Variants in RYR2 observed in about 807,000 individuals in gnomAD.
RYR2 encodes the protein cardiac muscle ryanodine receptor-calcium release channel.
A neutral mutation model predicts 601.1 loss-of-function variants in RYR2; 227 were observed. That is an observed-to-expected ratio of 0.38 (90% confidence interval 0.34 to 0.42). The LOEUF (loss-of-function observed/expected upper bound fraction) is 0.42, where lower values mean the gene tolerates loss of function less well. Ranked by LOEUF, RYR2 falls within the 10% of genes least tolerant of loss-of-function variation. The probability of loss-of-function intolerance (pLI) is 1.00; values close to 1 mark genes in which losing one functional copy is unlikely to be tolerated. For synonymous variants in RYR2, 2,223 were observed against 2,175.1 expected, an observed-to-expected ratio of 1.02 and a Z score of -0.61; for missense variants, 4,646 against 6,156.5, an observed-to-expected ratio of 0.75 and a Z score of 8.21.
At chr1:237,498,262 G>A (rs1476366451) in intron 20 of RYR2, among the ~76,000 whole-genome samples, 1 of 152,066 alleles carries the variant, frequency 6.6e-6, no homozygotes, top group African/African-American at 2.4e-5. Flanking sequence ...GAGGAATGTG[G>A]TTGGAGTCCT....
In RYR2 at chr1:237,798,185, G is replaced by A. The variant is rs375767595; in HGVS notation, c.14090+15G>A. 6.8e-6 allele frequency: 11 copies of A among 1,607,786 alleles called. No individual in the cohort carries two copies. Among genetic ancestry groups the A allele is most frequent in the South Asian group, 4.5e-5 (4 of 89,400 alleles). ...TTATCAGCTGTGTAAGTGTTACTTC[G>A]GCTCTATCCTACAGACTTAGATTGA... On this transcript the variant is annotated intron_variant, in intron 97 of 104. Transcript: ENST00000366574.
chr1:237,172,438 A>G (rs1402847375), intron 1 of RYR2, among the ~76,000 whole-genome samples: 1 of 152,154 alleles, frequency 6.6e-6, no homozygotes, highest in Admixed American at 6.5e-5. Flanking sequence ...GCCATTGTAC[A>G]GAAAAAACAA....
Position 237,832,657 on chromosome 1 carries a change from C to T in RYR2, c.*10C>T. The stretch of plus-strand genomic sequence containing the variant: ...AGACCAGCTAAATTAAACTCAGACC[C>T]AATCACCTCTAAAAACCAAAACCCT... On this transcript the variant is annotated 3_prime_UTR_variant, in exon 105 of 105. Coordinates refer to ENST00000366574, the MANE Select transcript of RYR2 (RefSeq NM_001035.3). 1 of 1,578,352 alleles carries T rather than the reference C, an allele frequency of 6.3e-7. No individual in the cohort carries two copies. Among genetic ancestry groups the T allele is most frequent in the Non-Finnish European group, 8.7e-7 (1 of 1,149,634 alleles).
intron 69 of RYR2, 66 bp downstream of exon 69, chr1:237,709,164 T>A: frequency 1.5e-6 from 2 of 1,370,924 alleles, no homozygotes; most frequent in Non-Finnish European, 2.0e-6. Context: ...TCACATGTCC[T>A]TGTTCAATCG....
intron 100 of RYR2, among the ~76,000 whole-genome samples, chr1:237,817,920 G>A (rs1662015743): frequency 6.6e-6 from 1 of 152,200 alleles, no homozygotes; most frequent in African/African-American, 2.4e-5. Context: ...GAAAATCTCA[G>A]AGGAAGGATT....
chr1:237,300,401 A>G (rs1448412646), intron 2 of RYR2, among the ~76,000 whole-genome samples: 1 of 152,188 alleles, frequency 6.6e-6, no homozygotes, highest in Admixed American at 6.5e-5. Context: ...TTCTATTAAC[A>G]TGGCTATCTT....
chr1:237,714,989 C>T (rs2010708), intron 71 of RYR2, among the ~76,000 whole-genome samples: 65,112 of 103,712 alleles, frequency 0.63, 19,983 homozygotes, highest in Non-Finnish European at 0.71. Flanking sequence ...GAGACTCCAT[C>T]TCAAAAAAAA....
chr1:237,462,877 T>C (rs1356574997), intron 16 of RYR2, among the ~76,000 whole-genome samples: 2 of 152,126 alleles, frequency 1.3e-5, no homozygotes, highest in East Asian at 3.9e-4. Context: ...AAACGTATCG[T>C]ATAAACAAGA....
chr1:237,511,833 TGAAAAAAA>T, intron 24 of RYR2, 42 bp downstream of exon 24: 3 of 274,706 alleles, frequency 1.1e-5, no homozygotes, highest in African/African-American at 4.0e-5. Context: ...CTGCCTTCCC[TGAAAAAAA>T]AAAAAAAAAA....
At chr1:237,403,729 G>C (rs1558760879) in intron 10 of RYR2, among the ~76,000 whole-genome samples, 1 of 152,154 alleles carries the variant, frequency 6.6e-6, no homozygotes, top group Non-Finnish European at 1.5e-5. Flanking sequence ...CCCAGACCTA[G>C]TAATACTTTT....
intron 5 of RYR2, among the ~76,000 whole-genome samples, chr1:237,369,074 C>T (rs1000534868): frequency 8.6e-5 from 13 of 152,030 alleles, no homozygotes; most frequent in Admixed American, 2.6e-4. Context: ...TCGCCCGCCT[C>T]GGCCTCCCAA....
chr1:237,060,370 G>C (rs953236392), intron 1 of RYR2, among the ~76,000 whole-genome samples: 35 of 151,942 alleles, frequency 2.3e-4, no homozygotes, highest in African/African-American at 8.5e-4. Flanking sequence ...TTTTTCCCCT[G>C]CTAAATCTTT....
intron 17 of RYR2, among the ~76,000 whole-genome samples, chr1:237,485,144 CTG>C (rs1398702077): frequency 6.6e-6 from 1 of 152,156 alleles, no homozygotes; most frequent in African/African-American, 2.4e-5. Context: ...GTTGTGTCCT[CTG>C]TCTTTTCTAC....
chr1:237,385,981 TA>T (rs1701928315), intron 8 of RYR2, among the ~76,000 whole-genome samples: 1 of 152,224 alleles, frequency 6.6e-6, no homozygotes, highest in South Asian at 2.1e-4. Context: ...GATTTATTTG[TA>T]AACAATTAAA....
intron 1 of RYR2, among the ~76,000 whole-genome samples, chr1:237,201,200 C>T (rs1681153590): frequency 2.0e-5 from 3 of 152,208 alleles, no homozygotes; most frequent in Admixed American, 2.0e-4. Flanking sequence ...TCATTAGCTT[C>T]CTCAGTAACT....
chr1:237,170,909 G>A (rs911568414), intron 1 of RYR2, among the ~76,000 whole-genome samples: 1 of 152,126 alleles, frequency 6.6e-6, no homozygotes, highest in African/African-American at 2.4e-5. Flanking sequence ...TTTCAGTCTG[G>A]GTTCTGAGTA....
At chr1:237,420,509 T>A (rs1221120394) in intron 11 of RYR2, among the ~76,000 whole-genome samples, 1 of 150,466 alleles carries the variant, frequency 6.6e-6, no homozygotes, top group Admixed American at 6.6e-5. Flanking sequence ...TACATATGAT[T>A]TTCTTGCCTT....
At chr1:237,722,430 T>C (rs2149121189) in intron 73 of RYR2, among the ~76,000 whole-genome samples, 1 of 152,022 alleles carries the variant, frequency 6.6e-6, no homozygotes, top group South Asian at 2.1e-4. Context: ...TTTCTTAGTA[T>C]TTTTAATTTT....
intron 3 of RYR2, among the ~76,000 whole-genome samples, chr1:237,340,318 G>A (rs1697653481): frequency 6.6e-6 from 1 of 152,156 alleles, no homozygotes; most frequent in Non-Finnish European, 1.5e-5. Flanking sequence ...TTGCTTTTGT[G>A]CATTCTGGAG....
Sources: allele counts gnomAD v4.1 joint callset (sites outside exome capture counted in the v4.1 genomes callset), GRCh38; gene constraint gnomAD v4.1.1; transcripts MANE v1.5; gene names NCBI Gene and HGNC (gene_info 2026-07-23, HGNC 2026-07-21).